The following PLGRKT variants were observed in gnomAD, a reference collection of about 807,000 sequenced individuals.
PLGRKT encodes the protein plasminogen receptor with a C-terminal lysine, also known as plasminogen receptor (KT).
In PLGRKT, 22 loss-of-function variants were observed where a neutral mutation model predicts 18.5. The observed-to-expected ratio is 1.19, with a 90% CI of 0.85 to 1.70. PLGRKT has a LOEUF of 1.70. Ranked by LOEUF, PLGRKT falls within the 40% of genes most tolerant of loss-of-function variation. The pLI is 0.00. For synonymous variants in PLGRKT, 72 were observed against 52.8 expected, an observed-to-expected ratio of 1.36 and a Z score of -1.58; for missense variants, 235 against 174.4, an observed-to-expected ratio of 1.35 and a Z score of -1.96.
rs535219810 is a variant in PLGRKT, at chr9:5,416,733, T to C, written c.81+15164A>G. On this transcript the variant is annotated intron_variant, in intron 3 of 5. Transcript: ENST00000223864. ...AAATCTAAAAACTGTGTGTCTGCCC[T>C]GGAGAAGTGTCTGTCCTGGACCCAT... Among the ~76,000 whole-genome samples, 3 of 152,348 alleles carry C rather than the reference T, an allele frequency of 2.0e-5. No homozygotes were observed. In the South Asian group the frequency reaches 6.2e-4, roughly 32 times the overall value.
intron 3 of PLGRKT, among the ~76,000 whole-genome samples, chr9:5,409,777 G>A (rs1360477064): frequency 6.6e-6 from 1 of 152,300 alleles, no homozygotes; most frequent in African/African-American, 2.4e-5. Flanking sequence ...GCCCTGCTGG[G>A]TTTTAGATGC....
chr9:5,414,795 T>C (rs572911730), intron 3 of PLGRKT, among the ~76,000 whole-genome samples: 5 of 152,196 alleles, frequency 3.3e-5, no homozygotes, highest in African/African-American at 9.6e-5. Flanking sequence ...GTGAATATAG[T>C]GTAAGTGTCC....
intron 3 of PLGRKT, among the ~76,000 whole-genome samples, chr9:5,374,192 C>A (rs1817582911): frequency 6.6e-6 from 1 of 152,188 alleles, no homozygotes; most frequent in Non-Finnish European, 1.5e-5. Flanking sequence ...ATTATAATAT[C>A]TCTGAGTAAC....
At chr9:5,391,775 T>C (rs899185161) in intron 3 of PLGRKT, among the ~76,000 whole-genome samples, 2 of 151,976 alleles carry the variant, frequency 1.3e-5, no homozygotes, top group Non-Finnish European at 2.9e-5. Flanking sequence ...CTTAAACTTT[T>C]AGCAAGCCAA....
chr9:5,427,656 C>G (rs1818728992), intron 3 of PLGRKT, among the ~76,000 whole-genome samples: 1 of 152,254 alleles, frequency 6.6e-6, no homozygotes, highest in Non-Finnish European at 1.5e-5. Flanking sequence ...CAGGTATCCA[C>G]TGGGGATCTT....
intron 3 of PLGRKT, among the ~76,000 whole-genome samples, chr9:5,389,768 A>G (rs1348487229): frequency 6.6e-6 from 1 of 151,926 alleles, no homozygotes; most frequent in Non-Finnish European, 1.5e-5. Context: ...CTCCAGGATA[A>G]AATGGCATTC....
At chr9:5,405,960 A>T (rs1818247562) in intron 3 of PLGRKT, among the ~76,000 whole-genome samples, 1 of 152,244 alleles carries the variant, frequency 6.6e-6, no homozygotes, top group African/African-American at 2.4e-5. Context: ...ATATGAACAG[A>T]CACTTCTCAA....
Position 5,384,414 on chromosome 9 carries a change from A to G in PLGRKT, c.82-22526T>C, listed in dbSNP as rs931343427. Among the ~76,000 whole-genome samples, 3 of 152,232 alleles carry G rather than the reference A, an allele frequency of 2.0e-5. No homozygotes were observed. In the East Asian group the frequency reaches 5.8e-4, roughly 29 times the overall value. On this transcript the variant is annotated intron_variant, in intron 3 of 5. Transcript: ENST00000223864. ...TTTTTAGAGCTTCCATTAGTAAAGA[A>G]GAAAAAGTCAGTAGTGCATGCTATA...
chr9:5,433,583 G>A (rs1367649263), intron 2 of PLGRKT, among the ~76,000 whole-genome samples: 2 of 148,620 alleles, frequency 1.3e-5, no homozygotes, highest in Non-Finnish European at 3.0e-5. Context: ...CCCCGTCTGG[G>A]AAGTGAGGAG....
intron 3 of PLGRKT, among the ~76,000 whole-genome samples, chr9:5,409,223 T>G (rs6476973): frequency 0.23 from 34,929 of 152,056 alleles, 4,402 homozygotes; most frequent in Non-Finnish European, 0.29. Flanking sequence ...TGGGTATATC[T>G]GTGAGGGTGT....
chr9:5,419,383 T>C (rs188021793), intron 3 of PLGRKT, among the ~76,000 whole-genome samples: 14 of 152,328 alleles, frequency 9.2e-5, no homozygotes, highest in East Asian at 3.9e-4. Context: ...GGAAGCACAA[T>C]TGAGACTGAG....
intron 3 of PLGRKT, among the ~76,000 whole-genome samples, chr9:5,428,289 T>A (rs1397836264): frequency 6.6e-6 from 1 of 152,178 alleles, no homozygotes; most frequent in Non-Finnish European, 1.5e-5. Context: ...AATCCTCCCC[T>A]GCCTCTCCTC....
At chr9:5,431,858 A>T in intron 3 of PLGRKT, 39 bp downstream of exon 3, 1 of 968,352 alleles carries the variant, frequency 1.0e-6, no homozygotes, top group Non-Finnish European at 1.7e-6. Flanking sequence ...AACTTTAAGC[A>T]TTGTAACAAC....
chr9:5,411,768 T>G (rs1461264644), intron 3 of PLGRKT, among the ~76,000 whole-genome samples: 1 of 152,262 alleles, frequency 6.6e-6, no homozygotes, highest in South Asian at 2.1e-4. Flanking sequence ...AAATTTCATT[T>G]TTTCTTTAGT....
At chr9:5,375,846 T>C (rs1485096991) in intron 3 of PLGRKT, among the ~76,000 whole-genome samples, 1 of 152,238 alleles carries the variant, frequency 6.6e-6, no homozygotes, top group Non-Finnish European at 1.5e-5. Context: ...ATTCCACTTC[T>C]GGGTCTATAC....
intron 3 of PLGRKT, among the ~76,000 whole-genome samples, chr9:5,427,402 G>A (rs1818723905): frequency 6.6e-6 from 1 of 151,908 alleles, no homozygotes; most frequent in Non-Finnish European, 1.5e-5. Context: ...GTGAAAGAGT[G>A]GAAGTTCTCA....
chr9:5,410,299 G>A (rs1340979931), intron 3 of PLGRKT, among the ~76,000 whole-genome samples: 2 of 152,034 alleles, frequency 1.3e-5, no homozygotes, highest in African/African-American at 2.4e-5. Flanking sequence ...ACTTTGGGAG[G>A]CTGAGTCAAG....
At chr9:5,386,409 A>AT (rs746651401) in intron 3 of PLGRKT, among the ~76,000 whole-genome samples, 4 of 151,794 alleles carry the variant, frequency 2.6e-5, no homozygotes, top group Non-Finnish European at 4.4e-5. Flanking sequence ...GACACTTATG[A>AT]TTGTCACAAT....
intron 3 of PLGRKT, among the ~76,000 whole-genome samples, chr9:5,405,732 T>A (rs1363760384): frequency 2.0e-5 from 3 of 152,120 alleles, no homozygotes; most frequent in African/African-American, 7.2e-5. Context: ...CAAAGGCAAC[T>A]GCAACAAAAG....
Sources: gnomAD v4.1 joint callset for allele counts (sites outside exome capture counted in the v4.1 genomes callset) on GRCh38, gnomAD v4.1.1 for gene constraint, MANE v1.5 for transcripts, NCBI Gene and HGNC (gene_info 2026-07-23, HGNC 2026-07-21) for gene names.